The following ZNF532 variants were observed in gnomAD, a reference collection of about 807,000 sequenced individuals.
The protein encoded by ZNF532 is zinc finger protein 532.
A neutral mutation model predicts 89.3 loss-of-function variants in ZNF532; 22 were observed. The ratio of observed to expected loss-of-function variants is 0.25; its 90% CI spans 0.18 to 0.35. The LOEUF (loss-of-function observed/expected upper bound fraction) is 0.35, where lower values mean the gene tolerates loss of function less well. ZNF532 is among the 10% of genes least tolerant of loss of function. The pLI, the probability that ZNF532 is intolerant of heterozygous loss-of-function variation, is 1.00. For missense variants in ZNF532, 1,132 were observed against 1,643.4 expected (o/e 0.69, Z 5.38); for synonymous variants, 606 against 649.6 (o/e 0.93, Z 1.02).
chr18:58,899,204 T>C (rs978762079), intron 2 of ZNF532, among the ~76,000 whole-genome samples: 1 of 152,222 alleles, frequency 6.6e-6, no homozygotes, highest in Admixed American at 6.5e-5. Context: ...TTCCACCTCT[T>C]GTATTGGGCC....
At chr18:58,959,030 A>G (rs2065063770) in intron 7 of ZNF532, among the ~76,000 whole-genome samples, 2 of 152,210 alleles carry the variant, frequency 1.3e-5, no homozygotes, top group African/African-American at 2.4e-5. Context: ...GTGAGCCAGT[A>G]TTAAAATTAA....
At chr18:58,968,381 C>T (rs1603312316) in intron 7 of ZNF532, among the ~76,000 whole-genome samples, 1 of 152,224 alleles carries the variant, frequency 6.6e-6, no homozygotes, top group African/African-American at 2.4e-5. Context: ...CCTTCCAGCT[C>T]GGCTTCCAGT....
chr18:58,955,486 A>C (rs12455497), intron 7 of ZNF532, among the ~76,000 whole-genome samples: 1 of 151,980 alleles, frequency 6.6e-6, no homozygotes, highest in Non-Finnish European at 1.5e-5. Flanking sequence ...GAGTACATAG[A>C]AATTGTTTTG....
intron 8 of ZNF532, 25 bp downstream of exon 8, chr18:58,979,192 G>A (rs538928226): frequency 2.1e-5 from 33 of 1,586,958 alleles, no homozygotes; most frequent in South Asian, 1.1e-4. Flanking sequence ...CTAACGGAAC[G>A]CAGTGAGAGG....
chr18:58,917,703 G>GTT (rs1179170456), intron 2 of ZNF532, among the ~76,000 whole-genome samples: 2 of 145,644 alleles, frequency 1.4e-5, no homozygotes. Context: ...GCTCCTTAGG[G>GTT]TTTTTTTTTT....
At chr18:58,894,622 T>C (rs2059132558) in intron 2 of ZNF532, among the ~76,000 whole-genome samples, 1 of 152,212 alleles carries the variant, frequency 6.6e-6, no homozygotes, top group South Asian at 2.1e-4. Context: ...TTGACCTCCT[T>C]ATTCTTCCCT....
intron 2 of ZNF532, among the ~76,000 whole-genome samples, chr18:58,900,267 C>T (rs547342400): frequency 1.3e-5 from 2 of 152,302 alleles, no homozygotes; most frequent in South Asian, 2.1e-4. Flanking sequence ...CTTTTGTTTT[C>T]CTAGGAGACT....
At chr18:58,957,434 TAG>T (rs950699444) in intron 7 of ZNF532, among the ~76,000 whole-genome samples, 8 of 135,674 alleles carry the variant, frequency 5.9e-5, no homozygotes, top group South Asian at 2.3e-4. Context: ...TATATATATA[TAG>T]AAATAAAATA....
chr18:58,890,757 C>A (rs992117141), intron 2 of ZNF532, among the ~76,000 whole-genome samples: 5 of 151,976 alleles, frequency 3.3e-5, no homozygotes, highest in African/African-American at 1.2e-4. Flanking sequence ...CTTCTTCCTC[C>A]TCCCCCACTC....
chr18:58,878,649 T>C (rs546849723), intron 2 of ZNF532, among the ~76,000 whole-genome samples: 50 of 152,322 alleles, frequency 3.3e-4, no homozygotes, highest in African/African-American at 1.2e-3. Flanking sequence ...GGGGTGTGCA[T>C]TGGGAGAGGC....
In ZNF532 at chr18:58,918,577, C is replaced by A. The variant is rs1225665349; in HGVS notation, c.290C>A (p.Ser97Tyr). 1 of 1,614,150 alleles carries A rather than the reference C, an allele frequency of 6.2e-7. No individual in the cohort carries two copies. Residue 97 changes from serine (S) to tyrosine (Y), a missense_variant, in exon 3 of 10, where the codon TCC becomes TAC. Around this residue, in one of 9 missense-constraint regions of ZNF532, gnomAD observed 302 missense variants for 319.8 expected, o/e 0.94. Transcript: ENST00000591808. Reference sequence around the variant, plus strand: ...TTACATAATGGGTTTCTCACAGCATCCTCCCTTGACAGTTACAGTAAAGAT... The same window carrying A: ...TTACATAATGGGTTTCTCACAGCATACTCCCTTGACAGTTACAGTAAAGAT... ...NGLHNGFLTA[S>Y]SLDSYSKDGA...
chr18:58,957,875 GC>G (rs1430213572), intron 7 of ZNF532, among the ~76,000 whole-genome samples: 1 of 151,962 alleles, frequency 6.6e-6, no homozygotes, highest in Non-Finnish European at 1.5e-5. Context: ...ACCCCCCCTG[GC>G]CAACATGACG....
At chr18:58,864,849 G>A (rs2056307639), upstream of ZNF532, 2 of 152,230 alleles carry the variant, frequency 1.3e-5, no homozygotes, top group Admixed American at 1.3e-4. Context: ...ATCAGCTCCT[G>A]AACACAATGC....
intron 4 of ZNF532, among the ~76,000 whole-genome samples, chr18:58,938,529 G>A (rs2062666172): frequency 6.6e-6 from 1 of 152,228 alleles, no homozygotes. Context: ...TCAGAGGTTT[G>A]TAATTCATGC....
intron 7 of ZNF532, among the ~76,000 whole-genome samples, chr18:58,973,184 C>T (rs1427950915): frequency 1.3e-5 from 2 of 152,226 alleles, no homozygotes; most frequent in African/African-American, 4.8e-5. Context: ...CTCACTGCAA[C>T]TGCTGCTTAC....
intron 2 of ZNF532, among the ~76,000 whole-genome samples, chr18:58,872,641 T>C (rs1437750276): frequency 6.6e-6 from 1 of 152,008 alleles, no homozygotes; most frequent in East Asian, 1.9e-4. Flanking sequence ...CCCAGCACTA[T>C]AGTCCTAGCC....
intron 2 of ZNF532, among the ~76,000 whole-genome samples, chr18:58,904,884 CAGGCTGGAGTGT>C (rs1330017453): frequency 2.0e-5 from 3 of 151,204 alleles, no homozygotes; most frequent in Non-Finnish European, 4.4e-5. Context: ...TCTTGTCACC[CAGGCTGGAGTGT>C]AGTGGCACGA....
rs954796397 is a variant in ZNF532 at position 58,981,492 on chromosome 18, A to T, written c.3286A>T (p.Thr1096Ser). 5.6e-6 allele frequency: 9 copies of T among 1,613,218 alleles called. No individual in the cohort carries two copies. In the Admixed American group the frequency reaches 1.3e-4, roughly 24 times the overall value. The stretch of plus-strand genomic sequence containing the variant: ...CAGGCACTGCCCAGACTCCAGACGT[A>T]CCTTTACCAAACGTTTGATGCTGGA... ...ACSHCPDSRR[T>S]FTKRLMLEKH... The change falls in exon 9 of 10, where the codon ACC becomes TCC. Residue 1096 changes from threonine (T) to serine (S), a missense_variant. Physicochemically the swap from Thr to Ser is moderately conservative, Grantham distance 58. Transcript: ENST00000591808.
chr18:58,925,776 G>A (rs1229797485), intron 3 of ZNF532, among the ~76,000 whole-genome samples: 1 of 152,180 alleles, frequency 6.6e-6, no homozygotes, highest in East Asian at 1.9e-4. Context: ...TTGAGTTGAT[G>A]TTTGTATCAG....
Sources: allele counts gnomAD v4.1 joint callset (sites outside exome capture counted in the v4.1 genomes callset), GRCh38; gene constraint gnomAD v4.1.1; regional missense constraint gnomAD v4.1.1; transcripts MANE v1.5; gene names NCBI Gene and HGNC (gene_info 2026-07-23, HGNC 2026-07-21).